Variants in LRRC75A observed in about 807,000 individuals in gnomAD.
The protein encoded by LRRC75A is leucine rich repeat containing 75A.
Under a neutral mutation model 26.0 loss-of-function variants are expected in LRRC75A, and 12 were observed. That is an observed-to-expected ratio of 0.46 (90% CI 0.30 to 0.75). The LOEUF is 0.75. Among genes scored for constraint, LRRC75A ranks in the 30% least tolerant of loss-of-function variants. The pLI, the probability that LRRC75A is intolerant of heterozygous loss-of-function variation, is 0.08. For synonymous variants in LRRC75A, 223 were observed against 219.3 expected (o/e 1.02, Z -0.15); for missense variants, 410 against 486.6 (o/e 0.84, Z 1.48).
At chr17:16,450,747 C>T (rs1354712692) in intron 2 of LRRC75A, among the ~76,000 whole-genome samples, 1 of 152,140 alleles carries the variant, frequency 6.6e-6, no homozygotes, top group Non-Finnish European at 1.5e-5. Flanking sequence ...GGGGATGTTC[C>T]TCAGACTGGG....
chr17:16,486,568 T>C (rs781094800), intron 1 of LRRC75A, among the ~76,000 whole-genome samples: 6 of 152,212 alleles, frequency 3.9e-5, no homozygotes, highest in African/African-American at 4.8e-5. Flanking sequence ...GAAATGAACA[T>C]GATTCAGCAC....
intron 1 of LRRC75A, among the ~76,000 whole-genome samples, chr17:16,482,507 G>A (rs2093836895): frequency 6.6e-6 from 1 of 152,200 alleles, no homozygotes; most frequent in Non-Finnish European, 1.5e-5. Flanking sequence ...GGGCCGCTGG[G>A]AGGCACCAGC....
At position 16,476,520 on chromosome 17, in the gene LRRC75A, C is replaced by T. The variant is rs549452020; in HGVS notation, c.247-14134G>A. On this transcript the variant is annotated intron_variant, in intron 1 of 3. Coordinates refer to ENST00000470794, the MANE Select transcript of LRRC75A (RefSeq NM_001113567.3). ...AGCCACTGCACCTGGCTTTATTTGG[C>T]TTTTGTTTTTACTCAAAGTCTACTG... is the stretch of plus-strand genomic sequence containing the variant. Among the ~76,000 whole-genome samples the T allele has an allele frequency of 1.2e-3, 189 of 151,856 alleles. 1 individual carries two copies. The highest frequency in any genetic ancestry group is 2.3e-3 in the Non-Finnish European group (159 of 67,962).
chr17:16,457,263 C>G (rs533880572), intron 2 of LRRC75A, among the ~76,000 whole-genome samples: 9 of 152,220 alleles, frequency 5.9e-5, no homozygotes, highest in Non-Finnish European at 1.0e-4. Context: ...TGTTGACTGT[C>G]CCCCTCATTA....
At chr17:16,444,210 T>A (rs753503976) in intron 3 of LRRC75A, 79 bp from the exon 4 acceptor site, 38 of 1,203,210 alleles carry the variant, frequency 3.2e-5, no homozygotes, top group Non-Finnish European at 4.0e-5. Flanking sequence ...CAGCCTCTGC[T>A]CGGCTCTCCG....
chr17:16,490,078 A>G (rs1292667819), intron 1 of LRRC75A, among the ~76,000 whole-genome samples: 4 of 152,270 alleles, frequency 2.6e-5, no homozygotes, highest in Non-Finnish European at 5.9e-5. Context: ...GGGGAGCCCA[A>G]AGTATCTGCC....
At chr17:16,490,723 CAGAAAGG>C (rs1440739377) in intron 1 of LRRC75A, among the ~76,000 whole-genome samples, 1 of 152,186 alleles carries the variant, frequency 6.6e-6, no homozygotes, top group Middle Eastern at 3.2e-3. Flanking sequence ...TGGAAAACCC[CAGAAAGG>C]TCACCTGAGA....
At chr17:16,459,204 A>T (rs1329593544) in intron 2 of LRRC75A, among the ~76,000 whole-genome samples, 5 of 152,224 alleles carry the variant, frequency 3.3e-5, no homozygotes, top group African/African-American at 1.2e-4. Context: ...TTTATATTCT[A>T]GTGGGGAAAA....
intron 2 of LRRC75A, among the ~76,000 whole-genome samples, chr17:16,460,274 G>T (rs1278578515): frequency 6.6e-6 from 1 of 152,136 alleles, no homozygotes; most frequent in Non-Finnish European, 1.5e-5. Context: ...CCCAGTCTAC[G>T]ATAATTTGTT....
At chr17:16,472,222 G>T in intron 1 of LRRC75A, among the ~76,000 whole-genome samples, 1 of 152,024 alleles carries the variant, frequency 6.6e-6, no homozygotes, top group East Asian at 1.9e-4. Flanking sequence ...GGCCCCCTGT[G>T]ACTCTTCTCA....
chr17:16,464,910 G>A (rs2093756354), intron 1 of LRRC75A, among the ~76,000 whole-genome samples: 1 of 152,262 alleles, frequency 6.6e-6, no homozygotes, highest in African/African-American at 2.4e-5. Context: ...CAGAGGGCCT[G>A]TGTGGTCAAA....
At chr17:16,444,194 C>T (rs2093560383) in intron 3 of LRRC75A, 63 bp from the exon 4 acceptor site, 2 of 1,324,590 alleles carry the variant, frequency 1.5e-6, no homozygotes, top group Non-Finnish European at 2.0e-6. Context: ...CCAGAAGCTG[C>T]AGTGCCAGCC....
intron 2 of LRRC75A, among the ~76,000 whole-genome samples, chr17:16,450,966 G>A (rs141696390): frequency 3.7e-4 from 57 of 152,218 alleles, no homozygotes; most frequent in South Asian, 2.1e-3. Flanking sequence ...AAGGCAGGAG[G>A]GGGGTGACCT....
At chr17:16,479,396 C>G (rs946530597) in intron 1 of LRRC75A, among the ~76,000 whole-genome samples, 5 of 152,216 alleles carry the variant, frequency 3.3e-5, no homozygotes, top group Non-Finnish European at 5.9e-5. Flanking sequence ...AAGGCCTCAG[C>G]TGATACTCTA....
intron 2 of LRRC75A, 148 bp from the exon 3 acceptor site, chr17:16,448,108 A>T (rs1230481158): frequency 1.4e-6 from 1 of 694,042 alleles, no homozygotes; most frequent in Non-Finnish European, 2.6e-6. Context: ...TGGGCACCCT[A>T]GGCAGACAGC....
chr17:16,451,311 G>A lies in LRRC75A; in HGVS notation c.376-3351C>T, dbSNP rs185971188. Reference sequence around the variant, plus strand: ...AGGGAGTGGGGCCATGGTGGGAGCCGACCTTAGAGCTCAAAGGGAGAATAG... The same window carrying A: ...AGGGAGTGGGGCCATGGTGGGAGCCAACCTTAGAGCTCAAAGGGAGAATAG... On this transcript the variant is annotated intron_variant, in intron 2 of 3. Coordinates refer to ENST00000470794, the MANE Select transcript of LRRC75A (RefSeq NM_001113567.3). 1.8e-3 allele frequency among the ~76,000 whole-genome samples: 272 copies of A among 152,158 alleles called. 1 individual carries two copies. The highest frequency in any genetic ancestry group is 6.0e-3 in the African/African-American group (249 of 41,526).
At chr17:16,476,950 G>A (rs1441792912) in intron 1 of LRRC75A, among the ~76,000 whole-genome samples, 19 of 151,556 alleles carry the variant, frequency 1.3e-4, no homozygotes, top group East Asian at 3.9e-4. Flanking sequence ...GTGTTAGCCA[G>A]GATGGTCTCA....
intron 1 of LRRC75A, among the ~76,000 whole-genome samples, chr17:16,484,132 T>A (rs907940777): frequency 6.6e-6 from 1 of 151,842 alleles, no homozygotes; most frequent in African/African-American, 2.4e-5. Context: ...AGTCAAGAGA[T>A]CGAGACCATC....
intron 3 of LRRC75A, among the ~76,000 whole-genome samples, chr17:16,445,016 T>A (rs992645234): frequency 6.7e-6 from 1 of 148,568 alleles, no homozygotes; most frequent in Non-Finnish European, 1.5e-5. Context: ...GCCTGGCTAA[T>A]TTTTGTATTT....
Sources: allele counts gnomAD v4.1 joint callset (sites outside exome capture counted in the v4.1 genomes callset), GRCh38; gene constraint gnomAD v4.1.1; transcripts MANE v1.5; gene names NCBI Gene and HGNC (gene_info 2026-07-23, HGNC 2026-07-21).